EFNA2: variants seen among roughly 807,000 people sequenced by gnomAD.
EFNA2 encodes the protein ephrin A2.
A neutral mutation model predicts 19.7 loss-of-function variants in EFNA2; 18 were observed. The ratio of observed to expected loss-of-function variants is 0.91; its 90% confidence interval spans 0.63 to 1.35. The LOEUF (loss-of-function observed/expected upper bound fraction) is 1.35, where lower values mean the gene tolerates loss of function less well. Ranked by LOEUF, EFNA2 falls within the 40% of genes most tolerant of loss-of-function variation. The pLI is 0.00. For missense variants in EFNA2, 303 were observed against 296.0 expected (o/e 1.02, Z -0.17); for synonymous variants, 187 against 137.8 (o/e 1.36, Z -2.50).
Position 1,300,952 on chromosome 19 carries a change from A to G in EFNA2, c.*1007A>G, listed in dbSNP as rs184378965. 3.7e-3 allele frequency among the ~76,000 whole-genome samples: 553 copies of G among 147,782 alleles called. No individual in the cohort carries two copies. Among genetic ancestry groups the G allele is most frequent in the Non-Finnish European group, 5.9e-3 (396 of 67,284 alleles). ...CGTCTATGTTTTTTCAGCCCTTCAT[A>G]GGGGGTCTTTTATTTTGGTGGGGGG... On this transcript the variant is annotated 3_prime_UTR_variant, in exon 4 of 4. Transcript: ENST00000215368.
rs750402214 is a variant in EFNA2, at chr19:1,295,752, G to T, written c.348G>T (p.Arg116=). Residue 116 remains arginine (R), a synonymous_variant, in exon 2 of 4, where the codon CGG becomes CGT. Coordinates refer to ENST00000215368, the MANE Select transcript of EFNA2 (RefSeq NM_001405.4). The surrounding 1 kb of genome is among the most constrained non-coding windows in gnomAD (Gnocchi z 5.8). ...QRGFKRWECN[R]PAAPGGPLKF... ...GCTTCAAGCGCTGGGAGTGCAACCG[G>T]CCCGCGGCGCCCGGGGGGCCGCTCA... is the stretch of plus-strand genomic sequence containing the variant. The T allele has an allele frequency of 1.9e-6, 3 of 1,604,918 alleles. No homozygotes were observed. The highest frequency in any genetic ancestry group is 2.5e-6 in the Non-Finnish European group (3 of 1,176,792).
upstream of EFNA2, among the ~76,000 whole-genome samples, chr19:1,284,345 G>A (rs2081453743): frequency 6.6e-6 from 1 of 152,246 alleles, no homozygotes. This position sits in a 1 kb window ranked among gnomAD's most constrained non-coding sequence, Gnocchi z 5.3. Context: ...GCCAGCCCTG[G>A]GCCTTCGACC....
intron 1 of EFNA2, among the ~76,000 whole-genome samples, chr19:1,293,480 C>T (rs1600058049): frequency 6.6e-6 from 1 of 152,296 alleles, no homozygotes; most frequent in East Asian, 1.9e-4. Context: ...GAGGACCATC[C>T]CCTTGCACGG....
Position 1,295,833 on chromosome 19 carries a change from G to T in EFNA2, c.429G>T (p.Arg143=). ...CCTTCTCCCTGGGCTTCGAGTTCCG[G>T]CCCGGCCACGAGTATTACTACATCT... The part of the protein sequence containing the change: ...FTPFSLGFEF[R]PGHEYYYISA... Residue 143 remains arginine (R), a synonymous_variant, in exon 2 of 4, where the codon CGG becomes CGT. Coordinates refer to ENST00000215368, the MANE Select transcript of EFNA2 (RefSeq NM_001405.4). The surrounding 1 kb of genome is among the most constrained non-coding windows in gnomAD (Gnocchi z 5.8). The T allele has an allele frequency of 6.2e-7, 1 of 1,605,478 alleles. No individual in the cohort carries two copies. Among genetic ancestry groups the T allele is most frequent in the Non-Finnish European group, 8.5e-7 (1 of 1,177,720 alleles).
chr19:1,299,713 T>C (rs2081531412), intron 3 of EFNA2, 111 bp from the exon 4 acceptor site: 1 of 1,411,314 alleles, frequency 7.1e-7, no homozygotes, highest in South Asian at 1.4e-5. Flanking sequence ...AGGGCCTGCC[T>C]GGTGGGGTGA....
At chr19:1,292,634 G>C (rs535418429) in intron 1 of EFNA2, among the ~76,000 whole-genome samples, 1 of 152,338 alleles carries the variant, frequency 6.6e-6, no homozygotes, top group African/African-American at 2.4e-5. Context: ...GGCTGGAAGG[G>C]AGGAGTCTTG....
chr19:1,295,426 C>T lies in EFNA2; in HGVS notation c.141-119C>T, dbSNP rs1209061070. 2 of 1,104,204 alleles carry T rather than the reference C, an allele frequency of 1.8e-6. No individual in the cohort carries two copies. Among genetic ancestry groups the T allele is most frequent in the East Asian group, 2.9e-5 (1 of 34,664 alleles). The allele number at this position is 1,104,204 out of a possible 1,614,324, so 68.4% of individuals were successfully genotyped here. A position where few individuals can be genotyped will look rare whatever the true frequency, so the allele number is the denominator to read the frequency against. On this transcript the variant is annotated intron_variant, in intron 1 of 3. Coordinates refer to ENST00000215368, the MANE Select transcript of EFNA2 (RefSeq NM_001405.4). The surrounding 1 kb of genome is among the most constrained non-coding windows in gnomAD (Gnocchi z 5.8). ...CCGTGCTCCTGACCCCGGCCCTCGC[C>T]GCGCACCCCGACCCGTCCCTCGTGC...
At chr19:1,299,385 C>T (rs1421586896) in intron 3 of EFNA2, among the ~76,000 whole-genome samples, 4 of 151,936 alleles carry the variant, frequency 2.6e-5, no homozygotes, top group Admixed American at 2.6e-4. Flanking sequence ...GGTGAAACCC[C>T]GTCTCTGCTG....
chr19:1,292,973 AG>A (rs2081498334), intron 1 of EFNA2, among the ~76,000 whole-genome samples: 1 of 152,206 alleles, frequency 6.6e-6, no homozygotes, highest in African/African-American at 2.4e-5. Context: ...AAGAGGCCAG[AG>A]GGGGACCTAC....
rs2081539814 is a variant in EFNA2, at chr19:1,300,921, C to A, written c.*976C>A. 6.6e-6 allele frequency among the ~76,000 whole-genome samples: 1 copy of A among 151,698 alleles called. No homozygotes were observed. Among genetic ancestry groups the A allele is most frequent in the African/African-American group, 2.4e-5 (1 of 41,206 alleles). ...TTTTCCACGTATTCCTGAGGACGGACTGGACCGTCTATGTTTTTTCAGCCC... is the reference window on the plus strand; with the variant it reads ...TTTTCCACGTATTCCTGAGGACGGAATGGACCGTCTATGTTTTTTCAGCCC... On this transcript the variant is annotated 3_prime_UTR_variant, in exon 4 of 4. Transcript: ENST00000215368.
chr19:1,292,082 G>A (rs565887571), intron 1 of EFNA2, among the ~76,000 whole-genome samples: 4 of 152,340 alleles, frequency 2.6e-5, no homozygotes, highest in African/African-American at 9.6e-5. Context: ...TTTGCATATC[G>A]AGGCTTCATC....
In EFNA2 at chr19:1,299,972, G is replaced by T; in HGVS notation, c.*27G>T. On this transcript the variant is annotated 3_prime_UTR_variant, in exon 4 of 4. Coordinates refer to ENST00000215368, the MANE Select transcript of EFNA2 (RefSeq NM_001405.4). ...CCCAGCCCCGCAGGACGCCGACCCT[G>T]CCTGGACGGCCCCGCCTGGACCGCC... The T allele has an allele frequency of 6.4e-7, 1 of 1,571,974 alleles. No individual in the cohort carries two copies. Among genetic ancestry groups the T allele is most frequent in the Non-Finnish European group, 8.6e-7 (1 of 1,164,188 alleles).
At position 1,295,502 on chromosome 19, in the gene EFNA2, T is replaced by C; in HGVS notation, c.141-43T>C. ...CCGCGCACCCCGACCCGTGCCCCGT[T>C]CCTCGCTCCGGGCGCTGACCTCTGG... On this transcript the variant is annotated intron_variant, in intron 1 of 3. Coordinates refer to ENST00000215368, the MANE Select transcript of EFNA2 (RefSeq NM_001405.4). This position sits in a 1 kb window ranked among gnomAD's most constrained non-coding sequence, Gnocchi z 5.8. The C allele has an allele frequency of 6.7e-7, 1 of 1,495,824 alleles. No individual in the cohort carries two copies. The allele number at this position is 1,495,824 out of a possible 1,614,324, so 92.7% of individuals were successfully genotyped here.
rs968289390 is a variant in EFNA2 at position 1,287,551 on chromosome 19, G to A, written c.140+1243G>A. ...GAAGGGGTCTCTTTGAGGCGGGCTC[G>A]GGGACAAGGGCGGCCCGTGTTCCGC... On this transcript the variant is annotated intron_variant, in intron 1 of 3. Coordinates refer to ENST00000215368, the MANE Select transcript of EFNA2 (RefSeq NM_001405.4). This position sits in a 1 kb window ranked among gnomAD's most constrained non-coding sequence, Gnocchi z 6.2. 1.8e-3 allele frequency among the ~76,000 whole-genome samples: 279 copies of A among 152,220 alleles called. 3 individuals carry two copies. The highest frequency in any genetic ancestry group is 6.5e-3 in the African/African-American group (271 of 41,534).
chr19:1,289,635 C>A (rs903522609), intron 1 of EFNA2, among the ~76,000 whole-genome samples: 2 of 152,226 alleles, frequency 1.3e-5, no homozygotes, highest in African/African-American at 4.8e-5. Flanking sequence ...CGCTTGCCCA[C>A]ACTGGGCATC....
chr19:1,288,785 G>A (rs1163375101), intron 1 of EFNA2, among the ~76,000 whole-genome samples: 1 of 152,136 alleles, frequency 6.6e-6, no homozygotes, highest in Non-Finnish European at 1.5e-5. Context: ...GCCCCGTTGG[G>A]TGGTCTGGCT....
Position 1,287,536 on chromosome 19 carries a change from C to T in EFNA2, c.140+1228C>T, listed in dbSNP as rs2081471232. ...GGAGGAAAGTTGCATGAAGGGGTCT[C>T]TTTGAGGCGGGCTCGGGGACAAGGG... On this transcript the variant is annotated intron_variant, in intron 1 of 3. Transcript: ENST00000215368. The surrounding 1 kb of genome is among the most constrained non-coding windows in gnomAD (Gnocchi z 6.2). Among the ~76,000 whole-genome samples the T allele has an allele frequency of 6.6e-6, 1 of 152,148 alleles. No homozygotes were observed. Among genetic ancestry groups the T allele is most frequent in the African/African-American group, 2.4e-5 (1 of 41,428 alleles).
intron 1 of EFNA2, among the ~76,000 whole-genome samples, chr19:1,288,715 G>A (rs1034234501): frequency 3.9e-5 from 6 of 152,106 alleles, no homozygotes; most frequent in Non-Finnish European, 5.9e-5. Flanking sequence ...TCTGCTGTGA[G>A]AGGCGATGCC....
In EFNA2 at chr19:1,300,110, CAG is replaced by C; in HGVS notation, c.*166_*167del. The stretch of plus-strand genomic sequence containing the variant: ...CCGGGCAGGGGCCATCCACCCGCCC[CAG>C]GACCAGCCCTCAGGGAGGGGAAACG... On this transcript the variant is annotated 3_prime_UTR_variant, in exon 4 of 4. Coordinates refer to ENST00000215368, the MANE Select transcript of EFNA2 (RefSeq NM_001405.4). 1 of 1,014,202 alleles carries C rather than the reference CAG, an allele frequency of 9.9e-7. No individual in the cohort carries two copies. Among genetic ancestry groups the C allele is most frequent in the Admixed American group, 3.3e-5 (1 of 29,954 alleles). The allele number at this position is 1,014,202 out of a possible 1,614,324, so 62.8% of individuals were successfully genotyped here.
Sources: allele counts gnomAD v4.1 joint callset (sites outside exome capture counted in the v4.1 genomes callset), GRCh38; gene constraint gnomAD v4.1.1; non-coding constraint Gnocchi (gnomAD v3.1); transcripts MANE v1.5; gene names NCBI Gene and HGNC (gene_info 2026-07-23, HGNC 2026-07-21).